The following DPP6 variants were observed in gnomAD, a reference collection of about 807,000 sequenced individuals.
DPP6 encodes A-type potassium channel modulatory protein DPP6.
DPP6 carries 69 observed loss-of-function variants against 122.6 expected under a neutral mutation model. The ratio of observed to expected loss-of-function variants is 0.56; its 90% CI spans 0.46 to 0.69. The LOEUF (loss-of-function observed/expected upper bound fraction) is 0.69, where lower values mean the gene tolerates loss of function less well. DPP6 is among the 30% of genes least tolerant of loss of function. The pLI, the probability that DPP6 is intolerant of heterozygous loss-of-function variation, is 0.00. For missense variants in DPP6, 928 were observed against 1,116.9 expected (o/e 0.83, Z 2.41); for synonymous variants, 418 against 433.1 (o/e 0.97, Z 0.43).
chr7:153,953,765 C>G (rs10251831), intron 1 of DPP6, among the ~76,000 whole-genome samples: 1 of 151,940 alleles, frequency 6.6e-6, no homozygotes. Flanking sequence ...TGTGTGTGCA[C>G]GTAGACACAC....
intron 1 of DPP6, among the ~76,000 whole-genome samples, chr7:154,278,492 A>G (rs1804283082): frequency 6.6e-6 from 1 of 152,246 alleles, no homozygotes; most frequent in Non-Finnish European, 1.5e-5. Flanking sequence ...ATATAGAAGC[A>G]TGTACATCAT....
intron 1 of DPP6, among the ~76,000 whole-genome samples, chr7:154,230,460 G>A (rs1054403228): frequency 3.9e-5 from 6 of 152,140 alleles, no homozygotes; most frequent in Non-Finnish European, 8.8e-5. Context: ...TCATTTCCAC[G>A]TGGGTCTTGT....
intron 1 of DPP6, among the ~76,000 whole-genome samples, chr7:154,386,302 C>T (rs1277376253): frequency 6.6e-6 from 1 of 151,998 alleles, no homozygotes; most frequent in African/African-American, 2.4e-5. Context: ...TTCCTCCTGC[C>T]CCCCACCCCC....
the DPP6 span, among the ~76,000 whole-genome samples, chr7:153,878,776 C>T: frequency 1.1e-4 from 17 of 151,888 alleles, no homozygotes; most frequent in Admixed American, 4.6e-4. Context: ...CGTACTTCAA[C>T]AAGATGTTTT....
intron 1 of DPP6, among the ~76,000 whole-genome samples, chr7:154,198,282 C>A (rs1798973916): frequency 6.6e-6 from 1 of 151,330 alleles, no homozygotes; most frequent in East Asian, 1.9e-4. Flanking sequence ...GACAAAGGGG[C>A]CCTCAGTGTA....
In DPP6 at chr7:154,445,138, T is replaced by C. The variant is rs566722773; in HGVS notation, c.244-1076T>C. Among the ~76,000 whole-genome samples, 11 of 152,330 alleles carry C rather than the reference T, an allele frequency of 7.2e-5. No homozygotes were observed. The South Asian group carries it at 2.1e-3, about 29-fold the overall frequency. On this transcript the variant is annotated intron_variant, in intron 1 of 25. Transcript: ENST00000377770. Reference sequence around the variant, plus strand: ...GAACTTTTAATCTTTGATGAAAATATATTTATGTATTGCATTGTCTACTTT... The same window carrying C: ...GAACTTTTAATCTTTGATGAAAATACATTTATGTATTGCATTGTCTACTTT...
upstream of DPP6, among the ~76,000 whole-genome samples, chr7:153,885,565 G>A (rs1190938056): frequency 6.6e-6 from 1 of 152,062 alleles, no homozygotes; most frequent in Non-Finnish European, 1.5e-5. Context: ...TTGCACCTTG[G>A]TCTTGGACTT....
the DPP6 span, among the ~76,000 whole-genome samples, chr7:153,771,784 A>G: frequency 6.6e-6 from 1 of 152,232 alleles, no homozygotes; most frequent in African/African-American, 2.4e-5. Flanking sequence ...ATAGACCTAC[A>G]TAGCAAGAAA....
chr7:154,618,915 A>G lies in DPP6; in HGVS notation c.628-18906A>G, dbSNP rs1834447341. Among the ~76,000 whole-genome samples the G allele has an allele frequency of 6.6e-6, 1 of 152,116 alleles. No homozygotes were observed. The highest frequency in any genetic ancestry group is 2.1e-4 in the South Asian group (1 of 4,822). On this transcript the variant is annotated intron_variant, in intron 5 of 25. Transcript: ENST00000377770. The surrounding 1 kb of genome is among the most constrained non-coding windows in gnomAD (Gnocchi z 4.1). Reference sequence around the variant, plus strand: ...GAATTGTAGCTCCCATTATCCCTACATGTTGTAGGAGGGACCTGGTAGGAG... The same window carrying G: ...GAATTGTAGCTCCCATTATCCCTACGTGTTGTAGGAGGGACCTGGTAGGAG...
the DPP6 span, among the ~76,000 whole-genome samples, chr7:153,797,394 GAGA>G: frequency 1.4e-3 from 210 of 152,310 alleles, no homozygotes; most frequent in African/African-American, 4.9e-3. Flanking sequence ...GGAGAGTGTG[GAGA>G]AGGAGGAGGA....
intron 1 of DPP6, among the ~76,000 whole-genome samples, chr7:153,897,278 A>G (rs1799453675): frequency 6.6e-6 from 1 of 152,196 alleles, no homozygotes; most frequent in African/African-American, 2.4e-5. Context: ...TTCAGAAATT[A>G]TCTTCTTTCC....
At chr7:154,763,201 G>A (rs1381175944) in intron 8 of DPP6, among the ~76,000 whole-genome samples, 1 of 152,254 alleles carries the variant, frequency 6.6e-6, no homozygotes. Context: ...GTGTGGTGGC[G>A]GGTGCCTGTA....
intron 1 of DPP6, among the ~76,000 whole-genome samples, chr7:154,358,809 A>C (rs1247922973): frequency 6.6e-6 from 1 of 152,106 alleles, no homozygotes; most frequent in Non-Finnish European, 1.5e-5. Context: ...AGGTTCAAGC[A>C]ATTCTCCTGC....
chr7:154,883,319 CACAT>C (rs1805593110), intron 21 of DPP6, among the ~76,000 whole-genome samples: 1 of 150,808 alleles, frequency 6.6e-6, no homozygotes, highest in African/African-American at 2.4e-5. Flanking sequence ...CACCTGCTCA[CACAT>C]ACACATGGTG....
the DPP6 span, among the ~76,000 whole-genome samples, chr7:153,826,204 A>T: frequency 6.6e-6 from 1 of 152,196 alleles, no homozygotes; most frequent in African/African-American, 2.4e-5. Flanking sequence ...GGATTGGAGT[A>T]GATGGGGAAA....
At chr7:154,471,485 G>A (rs1002852126) in intron 2 of DPP6, among the ~76,000 whole-genome samples, 1 of 151,976 alleles carries the variant, frequency 6.6e-6, no homozygotes, top group Admixed American at 6.6e-5. Context: ...TGGAGTCCCT[G>A]CCTGAAAACT....
intron 1 of DPP6, among the ~76,000 whole-genome samples, chr7:154,402,771 A>AAAAAAT (rs575298987): frequency 7.3e-5 from 11 of 150,206 alleles, no homozygotes; most frequent in Middle Eastern, 3.4e-3. Flanking sequence ...AAAAAAAAGA[A>AAAAAAT]AAAAATAAAA....
chr7:153,999,453 T>C lies in DPP6; in HGVS notation c.51+111719T>C, dbSNP rs1031517848. On this transcript the variant is annotated intron_variant, in intron 1 of 25. Coordinates refer to the DPP6 transcript ENST00000404039. The stretch of plus-strand genomic sequence containing the variant: ...CACATCTTCAAGGCTTTGTTTGACC[T>C]TATGGGCACTGAGTAACTTTTTCCT... Among the ~76,000 whole-genome samples the C allele has an allele frequency of 8.5e-5, 13 of 152,206 alleles. 1 individual carries two copies. Among genetic ancestry groups the C allele is most frequent in the Admixed American group, 8.5e-4 (13 of 15,290 alleles).
chr7:154,393,882 T>C (rs1329940235), intron 1 of DPP6, among the ~76,000 whole-genome samples: 1 of 152,170 alleles, frequency 6.6e-6, no homozygotes, highest in African/African-American at 2.4e-5. Context: ...GTACCTTGTA[T>C]AAGAGGAATC....
Sources: gnomAD v4.1 joint callset for allele counts (sites outside exome capture counted in the v4.1 genomes callset) on GRCh38, gnomAD v4.1.1 for gene constraint, Gnocchi (gnomAD v3.1) non-coding constraint, MANE v1.5 for transcripts, NCBI Gene and HGNC (gene_info 2026-07-23, HGNC 2026-07-21) for gene names.